The following SCHIP1 variants were observed in gnomAD, a reference collection of about 807,000 sequenced individuals.
The protein encoded by SCHIP1 is schwannomin interacting protein 1.
A neutral mutation model predicts 29.7 loss-of-function variants in SCHIP1; 8 were observed. The ratio of observed to expected loss-of-function variants is 0.27; its 90% CI spans 0.16 to 0.49. The LOEUF (loss-of-function observed/expected upper bound fraction) is 0.49. Among genes scored for constraint, SCHIP1 ranks in the 20% least tolerant of loss-of-function variants. The pLI, the probability that SCHIP1 is intolerant of heterozygous loss-of-function variation, is 0.99. For missense variants in SCHIP1, 193 were observed against 294.6 expected (o/e 0.66, Z 2.52); for synonymous variants, 76 against 94.9 (o/e 0.80, Z 1.16).
chr3:159,595,000 G>T, the SCHIP1 span, among the ~76,000 whole-genome samples: 2 of 152,124 alleles, frequency 1.3e-5, no homozygotes, highest in Non-Finnish European at 2.9e-5. Context: ...GCCAGAATCT[G>T]TCATAAATTC....
At chr3:159,784,054 A>G in the SCHIP1 span, among the ~76,000 whole-genome samples, 1 of 152,190 alleles carries the variant, frequency 6.6e-6, no homozygotes, top group Non-Finnish European at 1.5e-5. Context: ...TCCCCCTTCC[A>G]TCCCATATGT....
chr3:159,364,946 G>A, the SCHIP1 span, among the ~76,000 whole-genome samples: 3 of 152,160 alleles, frequency 2.0e-5, no homozygotes, highest in South Asian at 6.2e-4. Flanking sequence ...GATGCTCTTG[G>A]TTTGTTGATA....
chr3:159,840,699 A>C (rs988854446), intron 1 of SCHIP1, among the ~76,000 whole-genome samples: 14 of 152,234 alleles, frequency 9.2e-5, no homozygotes, highest in Admixed American at 7.8e-4. Context: ...TATGCACTTG[A>C]TGTTTAAAGT....
chr3:159,492,957 A>G, the SCHIP1 span, among the ~76,000 whole-genome samples: 3 of 152,238 alleles, frequency 2.0e-5, no homozygotes, highest in African/African-American at 7.2e-5. Context: ...CAATATTTTT[A>G]AAGAAAAGAA....
chr3:159,393,260 G>T, the SCHIP1 span, among the ~76,000 whole-genome samples: 1 of 152,088 alleles, frequency 6.6e-6, no homozygotes, highest in Non-Finnish European at 1.5e-5. Context: ...CCATTTTGTA[G>T]GTTGCCTGTT....
At chr3:159,704,888 CTTTCTTTCTTTCTTTCTTTA>C in the SCHIP1 span, among the ~76,000 whole-genome samples, 1,063 of 77,004 alleles carry the variant, frequency 0.014, 7 homozygotes, top group African/African-American at 0.079. Context: ...TTCTTTCTTT[CTTTCTTTCTTTCTTTCTTTA>C]TTTCTTTCTT....
chr3:159,584,388 A>G, the SCHIP1 span, among the ~76,000 whole-genome samples: 2 of 152,214 alleles, frequency 1.3e-5, no homozygotes, highest in Non-Finnish European at 2.9e-5. Flanking sequence ...ATTTAACGTT[A>G]TCTTTCAAGA....
the SCHIP1 span, among the ~76,000 whole-genome samples, chr3:159,669,200 G>T: frequency 6.6e-6 from 1 of 152,276 alleles, no homozygotes; most frequent in South Asian, 2.1e-4. Context: ...CAAGAACAAT[G>T]TACGTAAAGC....
the SCHIP1 span, among the ~76,000 whole-genome samples, chr3:159,629,941 C>T: frequency 0.17 from 26,129 of 151,912 alleles, 6,385 homozygotes; most frequent in African/African-American, 0.55. Context: ...TTATAAGTGG[C>T]GGAACAAAGC....
At chr3:159,563,700 C>T in the SCHIP1 span, among the ~76,000 whole-genome samples, 1 of 152,034 alleles carries the variant, frequency 6.6e-6, no homozygotes, top group Admixed American at 6.6e-5. Context: ...GTGGTGCACA[C>T]CCGCAGTCCC....
At chr3:159,344,487 A>G in the SCHIP1 span, among the ~76,000 whole-genome samples, 2 of 152,224 alleles carry the variant, frequency 1.3e-5, no homozygotes, top group African/African-American at 4.8e-5. Flanking sequence ...TACTCTTAAC[A>G]TGATGAACAA....
At chr3:159,421,492 A>ATTTG in the SCHIP1 span, among the ~76,000 whole-genome samples, 47 of 152,260 alleles carry the variant, frequency 3.1e-4, no homozygotes, top group African/African-American at 1.1e-3. Flanking sequence ...CTATGACTTT[A>ATTTG]TACTATGAAA....
the SCHIP1 span, among the ~76,000 whole-genome samples, chr3:159,783,308 C>G: frequency 6.6e-6 from 1 of 152,174 alleles, no homozygotes; most frequent in Non-Finnish European, 1.5e-5. Context: ...GAGGGATTGA[C>G]AGCTGAATGG....
At chr3:159,792,685 G>A in the SCHIP1 span, among the ~76,000 whole-genome samples, 2 of 152,204 alleles carry the variant, frequency 1.3e-5, no homozygotes, top group Admixed American at 6.5e-5. Flanking sequence ...AGGATTTGAA[G>A]TGGCTGGATT....
chr3:159,693,916 G>A, the SCHIP1 span, among the ~76,000 whole-genome samples: 1 of 152,176 alleles, frequency 6.6e-6, no homozygotes, highest in Non-Finnish European at 1.5e-5. Context: ...GTGTCGTGAA[G>A]ATCAGTGCTA....
the SCHIP1 span, among the ~76,000 whole-genome samples, chr3:159,738,252 C>CA: frequency 0.45 from 63,233 of 139,742 alleles, 13,950 homozygotes; most frequent in Middle Eastern, 0.55. Flanking sequence ...CTTTAAATTA[C>CA]AAAAAAAAAA....
the SCHIP1 span, among the ~76,000 whole-genome samples, chr3:159,487,647 T>C: frequency 5.9e-5 from 9 of 152,270 alleles, no homozygotes; most frequent in East Asian, 1.2e-3. Flanking sequence ...AAAACTGAGA[T>C]TGGAGCCATA....
At chr3:159,443,690 G>A in the SCHIP1 span, among the ~76,000 whole-genome samples, 2 of 152,080 alleles carry the variant, frequency 1.3e-5, no homozygotes, top group South Asian at 2.1e-4. Context: ...TCTATTTTTA[G>A]TAGAGACAGG....
chr3:159,439,405 G>A, the SCHIP1 span, among the ~76,000 whole-genome samples: 1 of 152,098 alleles, frequency 6.6e-6, no homozygotes, highest in South Asian at 2.1e-4. Flanking sequence ...AAGGGTGGAA[G>A]ACCGCCTTAT....
Sources: allele counts gnomAD v4.1 joint callset (sites outside exome capture counted in the v4.1 genomes callset), GRCh38; gene constraint gnomAD v4.1.1; transcripts MANE v1.5; gene names NCBI Gene and HGNC (gene_info 2026-07-23, HGNC 2026-07-21).